The following LRP1B variants were observed in gnomAD, a reference collection of about 807,000 sequenced individuals.
LRP1B encodes low-density lipoprotein receptor-related protein 1B.
A neutral mutation model predicts 556.6 loss-of-function variants in LRP1B; 217 were observed. The ratio of observed to expected loss-of-function variants is 0.39; its 90% CI spans 0.35 to 0.44. The LOEUF (loss-of-function observed/expected upper bound fraction) is 0.44. Ranked by LOEUF, LRP1B falls within the 20% of genes least tolerant of loss-of-function variation. The pLI is 1.00. For synonymous variants in LRP1B, 2,047 were observed against 1,865.8 expected (o/e 1.10, Z -2.50); for missense variants, 5,053 against 5,620.8 (o/e 0.90, Z 3.23).
rs543613767 is a variant in LRP1B at position 140,398,551 on chromosome 2, G to T, written c.10415-12542C>A. ...TTGTTGTTGTTTTTGTTTTGAGAAA[G>T]GGTGTCTTCCTGTTACCCAGGCTGG... On this transcript the variant is annotated intron_variant, in intron 66 of 90. Transcript: ENST00000389484. 4.2e-3 allele frequency among the ~76,000 whole-genome samples: 524 copies of T among 123,314 alleles called. 4 individuals are homozygous for T. The highest frequency in any genetic ancestry group is 0.016 in the African/African-American group (507 of 32,014). The allele number at this position is 123,314 out of a possible 152,430, so 80.9% of individuals were successfully genotyped here.
At chr2:140,241,812 A>G (rs1044584308) in intron 87 of LRP1B, among the ~76,000 whole-genome samples, 16 of 151,156 alleles carry the variant, frequency 1.1e-4, no homozygotes, top group Non-Finnish European at 1.9e-4. Flanking sequence ...AGTATTATAT[A>G]TGACAGTAAA....
rs115179663 is a variant in LRP1B, at chr2:140,637,284, A to G, written c.6800-35645T>C. Among the ~76,000 whole-genome samples the G allele has an allele frequency of 9.3e-3, 1,413 of 152,252 alleles. 13 individuals carry two copies. The highest frequency in any genetic ancestry group is 0.011 in the Non-Finnish European group (728 of 68,004). On this transcript the variant is annotated intron_variant, in intron 41 of 90. Coordinates refer to ENST00000389484, the MANE Select transcript of LRP1B (RefSeq NM_018557.3). ...AACCAGAGGAATGGATGAAAGCCCA[A>G]ATTTGACATGGGATCCTTAACTCCA...
intron 60 of LRP1B, among the ~76,000 whole-genome samples, chr2:140,460,993 G>T (rs1687291533): frequency 6.6e-6 from 1 of 151,168 alleles, no homozygotes; most frequent in African/African-American, 2.4e-5. Context: ...AACCCGGGAG[G>T]TGGAGGTTGC....
At chr2:140,977,577 G>C (rs1696641734) in intron 18 of LRP1B, among the ~76,000 whole-genome samples, 1 of 133,166 alleles carries the variant, frequency 7.5e-6, no homozygotes, top group Non-Finnish European at 1.6e-5. Context: ...TTTCTTATTA[G>C]GGTGGTGCAA....
intron 2 of LRP1B, among the ~76,000 whole-genome samples, chr2:141,788,091 G>C (rs939589372): frequency 6.6e-6 from 1 of 151,954 alleles, no homozygotes; most frequent in Non-Finnish European, 1.5e-5. Flanking sequence ...GCTTTCCTTA[G>C]ACAAACACTC....
intron 1 of LRP1B, among the ~76,000 whole-genome samples, chr2:142,070,227 G>A (rs1705260326): frequency 6.6e-6 from 1 of 151,720 alleles, no homozygotes; most frequent in Admixed American, 6.6e-5. Context: ...AAGAGAGAAG[G>A]AAAAGGGAGG....
intron 2 of LRP1B, among the ~76,000 whole-genome samples, chr2:141,764,854 A>G (rs1432124139): frequency 6.6e-6 from 1 of 152,222 alleles, no homozygotes; most frequent in African/African-American, 2.4e-5. Flanking sequence ...AAGAGCACAA[A>G]TATATAACAG....
chr2:141,061,730 T>C (rs1699341147), intron 8 of LRP1B, among the ~76,000 whole-genome samples: 1 of 151,848 alleles, frequency 6.6e-6, no homozygotes, highest in South Asian at 2.1e-4. Flanking sequence ...TAGTTTTTAG[T>C]AAATAGGCCA....
chr2:141,027,727 C>A (rs1302175791), intron 11 of LRP1B, among the ~76,000 whole-genome samples: 1 of 152,124 alleles, frequency 6.6e-6, no homozygotes, highest in Non-Finnish European at 1.5e-5. Context: ...CCTCCTAATT[C>A]ACATGGTGAA....
At chr2:141,157,593 G>A (rs768591224) in intron 7 of LRP1B, among the ~76,000 whole-genome samples, 51 of 152,034 alleles carry the variant, frequency 3.4e-4, no homozygotes, top group Non-Finnish European at 6.0e-4. Flanking sequence ...CCTACAGTTC[G>A]ATTCATTCAA....
chr2:141,212,934 A>G (rs1573659975), intron 6 of LRP1B, among the ~76,000 whole-genome samples: 1 of 152,158 alleles, frequency 6.6e-6, no homozygotes, highest in Non-Finnish European at 1.5e-5. Flanking sequence ...TCACGAAAAC[A>G]TCACCAAACT....
At chr2:141,239,599 G>T (rs1683787376) in intron 5 of LRP1B, among the ~76,000 whole-genome samples, 1 of 152,078 alleles carries the variant, frequency 6.6e-6, no homozygotes, top group African/African-American at 2.4e-5. Flanking sequence ...GTATATATTT[G>T]CAGGATTGGC....
At position 140,563,876 on chromosome 2, in the gene LRP1B, G is replaced by A. The variant is rs1681027918; in HGVS notation, c.7195-21905C>T. Among the ~76,000 whole-genome samples the A allele has an allele frequency of 9.2e-5, 14 of 152,250 alleles. 1 individual carries two copies. In the South Asian group the frequency reaches 2.9e-3, roughly 32 times the overall value. On this transcript the variant is annotated intron_variant, in intron 43 of 90. Coordinates refer to ENST00000389484, the MANE Select transcript of LRP1B (RefSeq NM_018557.3). ...GACAGAAAAAGTGAGAAGATGAATG[G>A]ATTGAAGTAGATGGACAGAAGCCTA... is the stretch of plus-strand genomic sequence containing the variant.
At chr2:141,202,107 T>TCC (rs1471143484) in intron 6 of LRP1B, among the ~76,000 whole-genome samples, 3 of 152,136 alleles carry the variant, frequency 2.0e-5, no homozygotes, top group Non-Finnish European at 2.9e-5. Flanking sequence ...CCTGATGCTC[T>TCC]CCCCCACACC....
intron 31 of LRP1B, among the ~76,000 whole-genome samples, chr2:140,834,900 G>T (rs948816811): frequency 6.6e-6 from 1 of 152,124 alleles, no homozygotes. Flanking sequence ...TAAAATTGGT[G>T]TGTAAATTTC....
chr2:140,982,180 G>C lies in LRP1B; in HGVS notation c.2867C>G (p.Thr956Arg), dbSNP rs966501169. 5 of 1,613,030 alleles carry C rather than the reference G, an allele frequency of 3.1e-6. No individual in the cohort carries two copies. The South Asian group carries it at 3.3e-5, about 11-fold the overall frequency. The change falls in exon 18 of 91, where the codon ACA (threonine) becomes AGA (arginine). Residue 956 changes from threonine to arginine, a missense_variant. By Grantham distance (71) the Thr-to-Arg change is moderately conservative (BLOSUM62 -1). This residue lies in a region of LRP1B where 3,619 missense variants were observed against 3,931.9 expected (regional missense o/e 0.92). Transcript: ENST00000389484. ...CDREDDCGDQ[T>R]DEMASCEFPT... ...CTTACCACAAGATGCCATTTCATCT[G>C]TCTGGTCACCACAGTCGTCTTCCCT...
At chr2:141,887,192 C>T (rs987481558) in intron 1 of LRP1B, among the ~76,000 whole-genome samples, 6 of 151,922 alleles carry the variant, frequency 3.9e-5, no homozygotes, top group African/African-American at 1.5e-4. Context: ...AAGGGGGTTT[C>T]ACAATGTTGG....
chr2:141,230,045 T>C (rs1683401316), intron 5 of LRP1B, among the ~76,000 whole-genome samples: 1 of 152,182 alleles, frequency 6.6e-6, no homozygotes, highest in Non-Finnish European at 1.5e-5. Flanking sequence ...AGGTATAAAA[T>C]AAACTTCAAT....
At chr2:140,525,821 G>GT in intron 49 of LRP1B, 23 bp downstream of exon 49, 1 of 1,605,698 alleles carries the variant, frequency 6.2e-7, no homozygotes, top group Non-Finnish European at 8.5e-7. Flanking sequence ...CAAAGCCTGT[G>GT]TTTTTCTAAA....
Sources: allele counts gnomAD v4.1 joint callset (sites outside exome capture counted in the v4.1 genomes callset), GRCh38; gene constraint gnomAD v4.1.1; regional missense constraint gnomAD v4.1.1; transcripts MANE v1.5; gene names NCBI Gene and HGNC (gene_info 2026-07-23, HGNC 2026-07-21).